CNTN5: variants seen among roughly 807,000 people sequenced by gnomAD.
The protein encoded by CNTN5 is contactin 5.
In CNTN5, 77 loss-of-function variants were observed where a neutral mutation model predicts 129.1. The ratio of observed to expected loss-of-function variants is 0.60; its 90% CI spans 0.50 to 0.72. The LOEUF (loss-of-function observed/expected upper bound fraction) is 0.72, where lower values mean the gene tolerates loss of function less well. CNTN5 is among the 30% of genes least tolerant of loss of function. The probability of loss-of-function intolerance (pLI) is 0.00; values close to 1 mark genes in which losing one functional copy is unlikely to be tolerated. For missense variants in CNTN5, 1,478 were observed against 1,328.8 expected (o/e 1.11, Z -1.75); for synonymous variants, 509 against 465.6 (o/e 1.09, Z -1.20).
In CNTN5 at chr11:100,155,641, C is replaced by T. The variant is rs549057240; in HGVS notation, c.1581-35485C>T. 3.3e-5 allele frequency among the ~76,000 whole-genome samples: 5 copies of T among 152,128 alleles called. No individual in the cohort carries two copies. In the East Asian group the frequency reaches 9.7e-4, roughly 29 times the overall value. On this transcript the variant is annotated intron_variant, in intron 13 of 24. Coordinates refer to ENST00000524871, the MANE Select transcript of CNTN5 (RefSeq NM_014361.4). ...GGCCATTTTCACAATATTGATTCTT[C>T]CTATCCATGCACATGGAATGTTTTT...
At chr11:99,508,548 C>T (rs1451087360) in intron 2 of CNTN5, among the ~76,000 whole-genome samples, 1 of 152,074 alleles carries the variant, frequency 6.6e-6, no homozygotes, top group Non-Finnish European at 1.5e-5. Context: ...ACAGGGTTTG[C>T]GGAGCCCTTC....
intron 2 of CNTN5, among the ~76,000 whole-genome samples, chr11:99,351,129 G>C (rs546108869): frequency 3.3e-5 from 5 of 152,066 alleles, no homozygotes; most frequent in South Asian, 2.1e-4. Flanking sequence ...TAACAAAACT[G>C]CATGTTCTAC....
intron 21 of CNTN5, among the ~76,000 whole-genome samples, chr11:100,310,532 C>T (rs1013766461): frequency 2.0e-5 from 3 of 151,864 alleles, no homozygotes; most frequent in Admixed American, 6.6e-5. Context: ...ATGCCAGGAA[C>T]AAACCAATGA....
At chr11:99,762,805 A>G (rs1027188216) in intron 3 of CNTN5, among the ~76,000 whole-genome samples, 4 of 152,160 alleles carry the variant, frequency 2.6e-5, no homozygotes, top group African/African-American at 7.2e-5. Context: ...CTGTATCCCT[A>G]TAGTACACAA....
intron 1 of CNTN5, among the ~76,000 whole-genome samples, chr11:99,257,768 A>G (rs1211335323): frequency 6.6e-6 from 1 of 152,070 alleles, no homozygotes; most frequent in African/African-American, 2.4e-5. Flanking sequence ...TAGCTTTAAG[A>G]GAAATGTAAG....
At chr11:99,870,535 C>CT (rs374816549) in intron 6 of CNTN5, among the ~76,000 whole-genome samples, 56 of 152,120 alleles carry the variant, frequency 3.7e-4, no homozygotes, top group African/African-American at 1.2e-3. Flanking sequence ...ACAAATACAT[C>CT]TTTTTTTACT....
chr11:99,499,911 AC>A (rs1186269791), intron 2 of CNTN5, among the ~76,000 whole-genome samples: 49 of 152,264 alleles, frequency 3.2e-4, no homozygotes, highest in African/African-American at 1.2e-3. Flanking sequence ...AGTTAGACTT[AC>A]GTAAAAAATA....
chr11:99,384,021 A>G (rs780623130), intron 2 of CNTN5, among the ~76,000 whole-genome samples: 19 of 152,204 alleles, frequency 1.2e-4, no homozygotes, highest in Non-Finnish European at 2.5e-4. Context: ...CGGGTGATAA[A>G]ACACATCAGT....
chr11:99,969,625 A>C (rs1951194068), intron 8 of CNTN5, among the ~76,000 whole-genome samples: 1 of 152,136 alleles, frequency 6.6e-6, no homozygotes, highest in African/African-American at 2.4e-5. Flanking sequence ...GCATTGTCTC[A>C]GCCTTCATTA....
chr11:99,667,040 T>A (rs1952821617), intron 3 of CNTN5, among the ~76,000 whole-genome samples: 1 of 152,074 alleles, frequency 6.6e-6, no homozygotes, highest in South Asian at 2.1e-4. Flanking sequence ...AGTATCATAA[T>A]TAAATTTTGT....
intron 3 of CNTN5, among the ~76,000 whole-genome samples, chr11:99,660,310 T>A (rs1036231159): frequency 6.6e-6 from 1 of 152,112 alleles, no homozygotes; most frequent in African/African-American, 2.4e-5. Flanking sequence ...AAGCAAAATG[T>A]TGGTTGCCTA....
intron 4 of CNTN5, among the ~76,000 whole-genome samples, chr11:99,827,063 T>A (rs1206589100): frequency 8.6e-5 from 13 of 151,958 alleles, no homozygotes. Context: ...TGTTCATTGG[T>A]TTTTTGCTTT....
chr11:99,794,312 G>T (rs1945858668), intron 3 of CNTN5, among the ~76,000 whole-genome samples: 1 of 151,670 alleles, frequency 6.6e-6, no homozygotes, highest in South Asian at 2.1e-4. Flanking sequence ...TGAAAGTATG[G>T]GTGTCACTGC....
chr11:99,739,431 T>G (rs768471481), intron 3 of CNTN5, among the ~76,000 whole-genome samples: 3 of 151,926 alleles, frequency 2.0e-5, no homozygotes, highest in Non-Finnish European at 4.4e-5. Context: ...TTCGGAATCT[T>G]TTACACCTCC....
At chr11:99,418,649 A>T (rs761241018) in intron 2 of CNTN5, among the ~76,000 whole-genome samples, 1 of 152,222 alleles carries the variant, frequency 6.6e-6, no homozygotes, top group Non-Finnish European at 1.5e-5. Context: ...AACCATTTCA[A>T]CTGTCATTAA....
At chr11:99,582,905 T>G (rs1241350214) in intron 3 of CNTN5, among the ~76,000 whole-genome samples, 1 of 152,158 alleles carries the variant, frequency 6.6e-6, no homozygotes, top group African/African-American at 2.4e-5. Flanking sequence ...GCACTCTGAT[T>G]TTTAGAGTTT....
intron 2 of CNTN5, among the ~76,000 whole-genome samples, chr11:99,524,469 G>C (rs1187979412): frequency 6.6e-6 from 1 of 152,134 alleles, no homozygotes; most frequent in East Asian, 1.9e-4. Context: ...GCCTTTAGTG[G>C]TATTTGTACA....
intron 8 of CNTN5, among the ~76,000 whole-genome samples, chr11:99,977,426 T>C (rs1938056636): frequency 6.6e-6 from 1 of 152,218 alleles, no homozygotes; most frequent in Non-Finnish European, 1.5e-5. Flanking sequence ...GCAATTTTTA[T>C]ATTAGTTCAT....
intron 15 of CNTN5, among the ~76,000 whole-genome samples, chr11:100,211,332 C>T (rs1481782900): frequency 6.6e-6 from 1 of 152,052 alleles, no homozygotes; most frequent in Non-Finnish European, 1.5e-5. Context: ...GTAGCAGCTT[C>T]CCCAAGATTA....
Sources: gnomAD v4.1 joint callset for allele counts (sites outside exome capture counted in the v4.1 genomes callset) on GRCh38, gnomAD v4.1.1 for gene constraint, MANE v1.5 for transcripts, NCBI Gene and HGNC (gene_info 2026-07-23, HGNC 2026-07-21) for gene names.